SPAG17: variants seen among roughly 807,000 people sequenced by gnomAD.
SPAG17 encodes sperm associated antigen 17.
In SPAG17, 169 loss-of-function variants were observed where a neutral mutation model predicts 273.6. The observed-to-expected ratio is 0.62, with a 90% confidence interval of 0.55 to 0.70. The LOEUF (loss-of-function observed/expected upper bound fraction) is 0.70, where lower values mean the gene tolerates loss of function less well. Ranked by LOEUF, SPAG17 falls within the 30% of genes least tolerant of loss-of-function variation. The probability of loss-of-function intolerance (pLI) is 0.00; values close to 1 mark genes in which losing one functional copy is unlikely to be tolerated. For synonymous variants in SPAG17, 825 were observed against 873.2 expected (o/e 0.94, Z 0.97); for missense variants, 2,557 against 2,627.8 (o/e 0.97, Z 0.59).
intron 20 of SPAG17, among the ~76,000 whole-genome samples, chr1:118,051,178 T>C (rs545099931): frequency 2.0e-5 from 3 of 152,068 alleles, no homozygotes; most frequent in East Asian, 3.9e-4. Context: ...AAATGCAAAT[T>C]AAACTCATCA....
At position 118,016,168 on chromosome 1, in the gene SPAG17, T is replaced by C. The variant is rs2101803394; in HGVS notation, c.4084A>G (p.Ser1362Gly). 1 of 1,612,704 alleles carries C rather than the reference T, an allele frequency of 6.2e-7. No homozygotes were observed. Among genetic ancestry groups the C allele is most frequent in the Non-Finnish European group, 8.5e-7 (1 of 1,178,944 alleles). The stretch of plus-strand genomic sequence containing the variant: ...CCCTTATGGGCCATTGATGACTGAC[T>C]TTTGTGACTTTTTCCTGTGAAGTTC... ...TNTKKGKSHK[S>G]QSSMAHKGEI... The change falls in exon 29 of 49, where the codon AGT becomes GGT. Residue 1362 changes from serine to glycine, a missense_variant. Physicochemically the swap from Ser to Gly is moderately conservative, Grantham distance 56. Transcript: ENST00000336338.
intron 18 of SPAG17, among the ~76,000 whole-genome samples, chr1:118,065,598 G>A (rs1652872558): frequency 6.6e-6 from 1 of 151,920 alleles, no homozygotes; most frequent in Admixed American, 6.6e-5. Context: ...TTATAAAGAA[G>A]ATAACATAAT....
chr1:118,064,098 G>A (rs905100843), intron 18 of SPAG17, among the ~76,000 whole-genome samples: 5 of 152,180 alleles, frequency 3.3e-5, no homozygotes, highest in African/African-American at 9.7e-5. Flanking sequence ...AGGTGCTGGA[G>A]AGGATGTGGA....
chr1:117,965,315 G>T (rs1370708466), intron 47 of SPAG17: 1 of 152,092 alleles, frequency 6.6e-6, no homozygotes, highest in Non-Finnish European at 1.5e-5. Flanking sequence ...GTCTCCACTG[G>T]CTCTTCTTCC....
At chr1:118,117,998 G>A (rs890650029) in intron 3 of SPAG17, among the ~76,000 whole-genome samples, 9 of 152,198 alleles carry the variant, frequency 5.9e-5, no homozygotes, top group African/African-American at 2.2e-4. Context: ...AAAGAAAAAT[G>A]TTTACAAATT....
At chr1:117,972,573 T>C (rs781652998) in intron 44 of SPAG17, among the ~76,000 whole-genome samples, 24 of 152,196 alleles carry the variant, frequency 1.6e-4, no homozygotes, top group Admixed American at 6.5e-5. Context: ...AGTGCTGACA[T>C]CATCTCAGAG....
chr1:117,986,443 C>T (rs537243100), intron 40 of SPAG17, among the ~76,000 whole-genome samples: 269 of 152,292 alleles, frequency 1.8e-3, no homozygotes, highest in Non-Finnish European at 2.9e-3. Flanking sequence ...TTCCACATTG[C>T]CAACACTTGT....
At chr1:118,171,315 G>A (rs908723904) in intron 1 of SPAG17, among the ~76,000 whole-genome samples, 3 of 151,888 alleles carry the variant, frequency 2.0e-5, no homozygotes, top group African/African-American at 7.3e-5. Context: ...CCTGATGTGA[G>A]ACAAGTTTTG....
intron 42 of SPAG17, among the ~76,000 whole-genome samples, chr1:117,983,160 G>A (rs1183489755): frequency 6.6e-6 from 1 of 152,234 alleles, no homozygotes; most frequent in Non-Finnish European, 1.5e-5. Flanking sequence ...ATAAATGGCA[G>A]CAGGAAAATA....
At chr1:118,097,305 GT>G (rs1267925089) in intron 7 of SPAG17, among the ~76,000 whole-genome samples, 1 of 151,786 alleles carries the variant, frequency 6.6e-6, no homozygotes, top group East Asian at 1.9e-4. Flanking sequence ...AGTCAGACAT[GT>G]AATTTAACAA....
intron 30 of SPAG17, 96 bp from the exon 31 acceptor site, chr1:118,008,294 G>T: frequency 7.1e-7 from 1 of 1,411,836 alleles, no homozygotes. Context: ...CTGGCTGTCT[G>T]GATTCCCCAT....
chr1:118,007,004 T>C (rs1055448821), intron 31 of SPAG17, among the ~76,000 whole-genome samples: 15 of 152,314 alleles, frequency 9.8e-5, no homozygotes, highest in African/African-American at 3.4e-4. Context: ...ACTCTGTACA[T>C]GAGACCATTA....
intron 38 of SPAG17, among the ~76,000 whole-genome samples, 169 bp from the exon 39 acceptor site, chr1:117,988,373 AC>A (rs1255517352): frequency 6.6e-6 from 1 of 152,220 alleles, no homozygotes; most frequent in Non-Finnish European, 1.5e-5. Context: ...AAACTAGACT[AC>A]TTTTATGAAA....
At chr1:117,961,166 C>T (rs1476824567) in intron 48 of SPAG17, 1 of 152,146 alleles carries the variant, frequency 6.6e-6, no homozygotes, top group African/African-American at 2.4e-5. Context: ...GCTTGTAATC[C>T]CAGCTACTCA....
intron 1 of SPAG17, among the ~76,000 whole-genome samples, chr1:118,171,491 TCTCAGTAAGAAGC>T (rs1329958230): frequency 6.6e-6 from 1 of 152,162 alleles, no homozygotes; most frequent in Admixed American, 6.5e-5. Flanking sequence ...ATTTAGATGC[TCTCAGTAAGAAGC>T]CTACAAGTTG....
intron 23 of SPAG17, among the ~76,000 whole-genome samples, chr1:118,039,004 C>T (rs1037163148): frequency 6.6e-6 from 1 of 152,046 alleles, no homozygotes; most frequent in Admixed American, 6.6e-5. Flanking sequence ...AGAGGCTGGA[C>T]ATGTGTACGG....
chr1:118,097,954 T>G, intron 6 of SPAG17, 103 bp from the exon 7 acceptor site: 34 of 564,148 alleles, frequency 6.0e-5, no homozygotes, highest in Non-Finnish European at 8.1e-5. Context: ...ATCTGTACAG[T>G]ACCAGAAAAT....
intron 31 of SPAG17, 54 bp from the exon 32 acceptor site, chr1:118,005,656 G>A: frequency 1.5e-6 from 2 of 1,307,298 alleles, no homozygotes; most frequent in Non-Finnish European, 2.0e-6. Flanking sequence ...TTAAATATGT[G>A]GGACTTGGAA....
chr1:118,066,594 T>G lies in SPAG17; in HGVS notation c.2540+151A>C, dbSNP rs567954911. ...CAGCACATGCTGACATTCAATTTAGTGAGCTGAATTGAATCTATAGTACTA... is the reference window on the plus strand; with the variant it reads ...CAGCACATGCTGACATTCAATTTAGGGAGCTGAATTGAATCTATAGTACTA... On this transcript the variant is annotated intron_variant, in intron 18 of 48. Transcript: ENST00000336338. 13 of 589,270 alleles carry G rather than the reference T, an allele frequency of 2.2e-5. No individual in the cohort carries two copies. In the East Asian group the frequency reaches 3.9e-4, roughly 18 times the overall value. 36.5% of individuals were successfully genotyped at this position (589,270 alleles called of 1,614,324 possible). A position where few individuals can be genotyped will look rare whatever the true frequency, so the allele number is the denominator to read the frequency against.
Sources: gnomAD v4.1 joint callset for allele counts (sites outside exome capture counted in the v4.1 genomes callset) on GRCh38, gnomAD v4.1.1 for gene constraint, MANE v1.5 for transcripts, NCBI Gene and HGNC (gene_info 2026-07-23, HGNC 2026-07-21) for gene names.